The following WWC2 variants were observed in gnomAD, a reference collection of about 807,000 sequenced individuals.
WWC2 encodes WW and C2 domain containing 2.
WWC2 carries 101 observed loss-of-function variants against 138.5 expected under a neutral mutation model. The ratio of observed to expected loss-of-function variants is 0.73; its 90% CI spans 0.62 to 0.86. The LOEUF is 0.86. Among genes scored for constraint, WWC2 ranks in the 40% least tolerant of loss-of-function variants. The pLI is 0.00. For synonymous variants in WWC2, 558 were observed against 538.4 expected (o/e 1.04, Z -0.50); for missense variants, 1,420 against 1,419.4 (o/e 1.00, Z -0.01).
intron 2 of WWC2, among the ~76,000 whole-genome samples, chr4:183,199,454 A>G (rs992060380): frequency 3.3e-5 from 5 of 152,158 alleles, no homozygotes; most frequent in African/African-American, 9.7e-5. Context: ...GCGTACATCT[A>G]TGTCACTATT....
chr4:183,143,608 A>T (rs1039154238), intron 1 of WWC2, among the ~76,000 whole-genome samples: 4 of 151,730 alleles, frequency 2.6e-5, no homozygotes, highest in African/African-American at 7.3e-5. Context: ...ACAAGTTCAA[A>T]TCCAGCCTGG....
In WWC2 at chr4:183,307,114, A is replaced by G. The variant is rs139348843; in HGVS notation, c.3385-5227A>G. Among the ~76,000 whole-genome samples the G allele has an allele frequency of 1.2e-4, 19 of 152,340 alleles. No homozygotes were observed. In the East Asian group the frequency reaches 3.7e-3, roughly 29 times the overall value. ...CAAGATATAGACCACAGTCCAGGCCATAAGATACATATTTACACTGTCTGT... is the reference window on the plus strand; with the variant it reads ...CAAGATATAGACCACAGTCCAGGCCGTAAGATACATATTTACACTGTCTGT... On this transcript the variant is annotated intron_variant, in intron 21 of 22. Transcript: ENST00000403733.
At chr4:183,164,524 C>T (rs1032065841) in intron 1 of WWC2, among the ~76,000 whole-genome samples, 7 of 151,094 alleles carry the variant, frequency 4.6e-5, no homozygotes, top group African/African-American at 1.7e-4. Flanking sequence ...TAAGGAATTC[C>T]TACCTTTTTT....
chr4:183,244,379 C>T (rs372178649), intron 5 of WWC2, among the ~76,000 whole-genome samples: 31 of 152,118 alleles, frequency 2.0e-4, no homozygotes, highest in Admixed American at 1.8e-3. Context: ...CCTAAGGTGA[C>T]GATGTAAACT....
At chr4:183,312,942 TGGAAGGAGCTAACTAAAGGGATA>T in intron 22 of WWC2, among the ~76,000 whole-genome samples, 1 of 152,178 alleles carries the variant, frequency 6.6e-6, no homozygotes, top group African/African-American at 2.4e-5. Context: ...GCAGTGCATG[TGGAAGGAGCTAACTAAAGGGATA>T]GGTAGGGACC....
intron 4 of WWC2, among the ~76,000 whole-genome samples, chr4:183,239,593 T>C (rs1260341019): frequency 6.6e-6 from 1 of 152,164 alleles, no homozygotes; most frequent in East Asian, 1.9e-4. Flanking sequence ...GGGTTGCAGC[T>C]TACTTTCCCA....
chr4:183,260,702 T>G (rs1272756422), intron 10 of WWC2, among the ~76,000 whole-genome samples: 1 of 152,206 alleles, frequency 6.6e-6, no homozygotes, highest in Non-Finnish European at 1.5e-5. Context: ...TGCACAGTGA[T>G]GAAATCACCT....
chr4:183,316,868 A>T lies in WWC2; in HGVS notation c.*1139A>T, dbSNP rs944027801. 1.3e-5 allele frequency: 2 copies of T among 152,200 alleles called. No individual in the cohort carries two copies. The highest frequency in any genetic ancestry group is 4.8e-5 in the African/African-American group (2 of 41,452). The allele number at this position is 152,200 out of a possible 1,614,324, so 9.4% of individuals were successfully genotyped here. ...TGTGGGGGGATTATTAATTTGAAGT[A>T]TAAGCTAAATTGTTTATTAAAAAGC... On this transcript the variant is annotated 3_prime_UTR_variant, in exon 23 of 23. Transcript: ENST00000403733.
At chr4:183,133,294 A>G (rs1732998463) in intron 1 of WWC2, among the ~76,000 whole-genome samples, 2 of 151,634 alleles carry the variant, frequency 1.3e-5, no homozygotes, top group Admixed American at 1.3e-4. Context: ...GGCTGGGACT[A>G]TAGGAGCACA....
Position 183,200,422 on chromosome 4 carries a change from CTCTT to C in WWC2, c.241+6716_241+6719del, listed in dbSNP as rs376122138. 2.6e-4 allele frequency among the ~76,000 whole-genome samples: 40 copies of C among 152,160 alleles called. 1 individual carries two copies. In the East Asian group the frequency reaches 3.9e-3, roughly 15 times the overall value. ...AACATACATTTTTAATTTTTATTAT[CTCTT>C]TATTAGTTTATTAATTATATATCTC... is the stretch of plus-strand genomic sequence containing the variant. On this transcript the variant is annotated intron_variant, in intron 2 of 22. Transcript: ENST00000403733.
intron 4 of WWC2, among the ~76,000 whole-genome samples, chr4:183,238,411 C>T (rs1736498102): frequency 6.6e-6 from 1 of 152,218 alleles, no homozygotes; most frequent in Non-Finnish European, 1.5e-5. Context: ...ACAGCGTTGT[C>T]ACAGTGACTA....
In WWC2 at chr4:183,308,374, A is replaced by G. The variant is rs1739092159; in HGVS notation, c.3385-3967A>G. Among the ~76,000 whole-genome samples, 4 of 152,338 alleles carry G rather than the reference A, an allele frequency of 2.6e-5. No individual in the cohort carries two copies. The South Asian group carries it at 8.3e-4, about 32-fold the overall frequency. On this transcript the variant is annotated intron_variant, in intron 21 of 22. Transcript: ENST00000403733. The stretch of plus-strand genomic sequence containing the variant: ...ATTATGTAATAGTCAAACTGATTCT[A>G]AAGTTTATATGGAGAGGCATAAGAC...
Position 183,261,074 on chromosome 4 carries a change from A to G in WWC2, c.1451A>G (p.Tyr484Cys). 2 of 1,614,026 alleles carry G rather than the reference A, an allele frequency of 1.2e-6. No homozygotes were observed. Among genetic ancestry groups the G allele is most frequent in the East Asian group, 2.2e-5 (1 of 44,878 alleles). Residue 484 changes from tyrosine to cysteine, a missense_variant, in exon 11 of 23, where the codon TAT (tyrosine) becomes TGT (cysteine). Coordinates refer to ENST00000403733, the MANE Select transcript of WWC2 (RefSeq NM_024949.6). ...GATCAGATAGATGTGGATTATCAGT[A>G]TAAACTGGACTTCCTTCTGCAAGAG... ...QSDQIDVDYQ[Y>C]KLDFLLQEKS...
intron 4 of WWC2, among the ~76,000 whole-genome samples, chr4:183,220,737 G>A (rs992428588): frequency 2.6e-5 from 4 of 151,848 alleles, no homozygotes; most frequent in Non-Finnish European, 5.9e-5. Context: ...GGGAGGCTGA[G>A]CCAGGAGAAT....
intron 1 of WWC2, among the ~76,000 whole-genome samples, chr4:183,125,931 A>G (rs762980216): frequency 6.6e-6 from 1 of 152,242 alleles, no homozygotes; most frequent in Non-Finnish European, 1.5e-5. Context: ...CGGCTGGACT[A>G]GGGTGAGGCA....
intron 17 of WWC2, 61 bp downstream of exon 17, chr4:183,280,958 A>G: frequency 1.3e-6 from 2 of 1,503,212 alleles, no homozygotes; most frequent in Non-Finnish European, 1.8e-6. Flanking sequence ...CACGGCTTAC[A>G]GTGAAACCTT....
Position 183,265,709 on chromosome 4 carries a change from C to T in WWC2, c.2061C>T (p.Val687=), listed in dbSNP as rs767952643. 1.9e-6 allele frequency: 3 copies of T among 1,611,410 alleles called. No individual in the cohort carries two copies. The South Asian group carries it at 3.3e-5, about 18-fold the overall frequency. ...ATAGACCTAGTGAAATGGAAGATGTCACATACAGTGAAGAGGATGTAGCCA... is the reference window on the plus strand; with the variant it reads ...ATAGACCTAGTGAAATGGAAGATGTTACATACAGTGAAGAGGATGTAGCCA... The part of the protein sequence containing the change: ...FVKQPSEMED[V]TYSEEDVAIV... The change falls in exon 13 of 23, where the codon GTC becomes GTT. Residue 687 remains valine (V), a synonymous_variant. Transcript: ENST00000403733.
At chr4:183,256,581 T>C (rs1737150077) in intron 9 of WWC2, among the ~76,000 whole-genome samples, 1 of 152,172 alleles carries the variant, frequency 6.6e-6, no homozygotes. Flanking sequence ...CAGTGTCTCC[T>C]CAGTGTCAAA....
chr4:183,252,159 A>G (rs986108874), intron 8 of WWC2, among the ~76,000 whole-genome samples: 5 of 152,198 alleles, frequency 3.3e-5, no homozygotes, highest in African/African-American at 1.2e-4. Flanking sequence ...GCTCTTGATT[A>G]TGTTTTTCAT....
Sources: gnomAD v4.1 joint callset for allele counts (sites outside exome capture counted in the v4.1 genomes callset) on GRCh38, gnomAD v4.1.1 for gene constraint, MANE v1.5 for transcripts, NCBI Gene and HGNC (gene_info 2026-07-23, HGNC 2026-07-21) for gene names.